The following CTNNA3 variants were observed in gnomAD, a reference collection of about 807,000 sequenced individuals.
CTNNA3 encodes catenin alpha-3.
In CTNNA3, 76 loss-of-function variants were observed where a neutral mutation model predicts 95.7. That is an observed-to-expected ratio of 0.79 (90% CI 0.66 to 0.96). CTNNA3 has a LOEUF of 0.96. Among genes scored for constraint, CTNNA3 ranks in the 40% least tolerant of loss-of-function variants. CTNNA3 has a pLI of 0.00. For synonymous variants in CTNNA3, 431 were observed against 374.4 expected (o/e 1.15, Z -1.74); for missense variants, 1,191 against 1,089.8 (o/e 1.09, Z -1.31).
chr10:66,436,501 C>CTTTTTTTTTTTTTT lies in CTNNA3; in HGVS notation c.1532-57163_1532-57150dup, dbSNP rs34165061. Among the ~76,000 whole-genome samples the CTTTTTTTTTTTTTT allele has an allele frequency of 7.5e-3, 453 of 60,412 alleles. 2 individuals are homozygous for CTTTTTTTTTTTTTT. The highest frequency in any genetic ancestry group is 0.011 in the African/African-American group (171 of 16,180). The allele number at this position is 60,412 out of a possible 152,430, so 39.6% of individuals were successfully genotyped here. ...TCAGAGACTAGGACTACAATCCCTG[C>CTTTTTTTTTTTTTT]TTTTTTTTTTTTTTTTTTTTTTTTT... On this transcript the variant is annotated intron_variant, in intron 11 of 17. Transcript: ENST00000433211.
chr10:66,918,906 C>T (rs569837145), intron 7 of CTNNA3, among the ~76,000 whole-genome samples: 278 of 151,936 alleles, frequency 1.8e-3, no homozygotes, highest in Admixed American at 2.0e-3. Context: ...GAGGCTGAGG[C>T]GGGCAGATCA....
At chr10:66,528,346 T>C (rs1193204597) in intron 10 of CTNNA3, among the ~76,000 whole-genome samples, 1 of 152,162 alleles carries the variant, frequency 6.6e-6, no homozygotes, top group African/African-American at 2.4e-5. Flanking sequence ...TTAAATCAGA[T>C]AGACAACTTT....
intron 3 of CTNNA3, among the ~76,000 whole-genome samples, chr10:67,587,387 T>A (rs2133338137): frequency 6.6e-6 from 1 of 152,220 alleles, no homozygotes; most frequent in East Asian, 1.9e-4. Flanking sequence ...TGGGAATTTC[T>A]TGTAGGTCTG....
At chr10:67,034,266 T>C (rs1229855806) in intron 7 of CTNNA3, among the ~76,000 whole-genome samples, 1 of 152,150 alleles carries the variant, frequency 6.6e-6, no homozygotes, top group African/African-American at 2.4e-5. Context: ...GTGTAATCAT[T>C]TGCCAAGCAA....
chr10:66,095,058 T>G (rs151203946), intron 14 of CTNNA3, among the ~76,000 whole-genome samples: 1 of 152,122 alleles, frequency 6.6e-6, no homozygotes, highest in Non-Finnish European at 1.5e-5. Flanking sequence ...TACAGATGCC[T>G]GTGATTATTT....
intron 5 of CTNNA3, among the ~76,000 whole-genome samples, chr10:67,345,805 G>A (rs1589193854): frequency 6.6e-6 from 1 of 151,996 alleles, no homozygotes; most frequent in African/African-American, 2.4e-5. Context: ...TTCGATTGGA[G>A]AGTTTAGTCC....
intron 9 of CTNNA3, among the ~76,000 whole-genome samples, chr10:66,646,945 G>A (rs181138940): frequency 6.8e-4 from 103 of 151,904 alleles, no homozygotes; most frequent in Non-Finnish European, 1.3e-3. Context: ...TATAATTAAT[G>A]ACCTCTTATT....
intron 5 of CTNNA3, among the ~76,000 whole-genome samples, chr10:67,386,362 C>T (rs1317836051): frequency 6.6e-6 from 1 of 152,140 alleles, no homozygotes; most frequent in Non-Finnish European, 1.5e-5. Context: ...TTTATACAGA[C>T]ATTACATAAC....
At chr10:67,279,491 G>A (rs1360026864) in intron 5 of CTNNA3, among the ~76,000 whole-genome samples, 1 of 149,132 alleles carries the variant, frequency 6.7e-6, no homozygotes, top group Admixed American at 6.6e-5. Context: ...GGGAAGGAGG[G>A]AGAGTATGGA....
At chr10:67,179,369 A>G (rs576409134) in intron 7 of CTNNA3, among the ~76,000 whole-genome samples, 2 of 151,974 alleles carry the variant, frequency 1.3e-5, no homozygotes, top group African/African-American at 4.8e-5. Context: ...AGTTACAGAC[A>G]TTCCATAGAT....
At chr10:67,092,388 A>G (rs926941511) in intron 7 of CTNNA3, among the ~76,000 whole-genome samples, 6 of 151,980 alleles carry the variant, frequency 3.9e-5, no homozygotes, top group Admixed American at 6.6e-5. Context: ...GAAGGAAAAC[A>G]TGGCCTTTTT....
intron 9 of CTNNA3, among the ~76,000 whole-genome samples, chr10:66,629,410 G>A (rs534902010): frequency 6.6e-6 from 1 of 152,044 alleles, no homozygotes; most frequent in East Asian, 1.9e-4. Flanking sequence ...GTATTAGGTT[G>A]GTGCAAAAGT....
At chr10:66,221,147 C>T (rs188772394) in intron 13 of CTNNA3, among the ~76,000 whole-genome samples, 1 of 152,130 alleles carries the variant, frequency 6.6e-6, no homozygotes, top group Admixed American at 6.5e-5. Flanking sequence ...TTCATTTGGC[C>T]AGTGTCTAAT....
At chr10:66,650,815 C>G (rs1845869038) in intron 9 of CTNNA3, among the ~76,000 whole-genome samples, 1 of 152,160 alleles carries the variant, frequency 6.6e-6, no homozygotes, top group Non-Finnish European at 1.5e-5. Flanking sequence ...AGGAGTGAAG[C>G]TGCAGACCTT....
rs967718844 is a variant in CTNNA3 at position 67,606,977 on chromosome 10, G to A, written c.172C>T (p.Leu58Phe). ...KKGRSKRASV[L>F]LASVEEATWN... Reference sequence around the variant, plus strand: ...GTTGCTTCCTCCACAGAAGCTAGAAGGACACTGGCTCTTTTCGAACGTCCT... The same window carrying A: ...GTTGCTTCCTCCACAGAAGCTAGAAAGACACTGGCTCTTTTCGAACGTCCT... Residue 58 changes from leucine (L) to phenylalanine (F), a missense_variant, in exon 3 of 18, where the codon CTT becomes TTT. Leu to Phe is a conservative substitution (Grantham distance 22). Transcript: ENST00000433211. The A allele has an allele frequency of 1.2e-6, 2 of 1,614,054 alleles. No homozygotes were observed. Among genetic ancestry groups the A allele is most frequent in the Non-Finnish European group, 1.7e-6 (2 of 1,179,904 alleles).
intron 7 of CTNNA3, among the ~76,000 whole-genome samples, chr10:67,151,929 C>G (rs937873823): frequency 1.6e-4 from 24 of 152,232 alleles, no homozygotes; most frequent in Non-Finnish European, 2.5e-4. Context: ...TCTGTTGTTC[C>G]TTTCTTCTCC....
chr10:67,572,779 A>C (rs1842019199), intron 3 of CTNNA3, among the ~76,000 whole-genome samples: 2 of 152,120 alleles, frequency 1.3e-5, no homozygotes, highest in Non-Finnish European at 2.9e-5. Context: ...TAGGTGCCCC[A>C]AGGAGAATTT....
chr10:67,418,837 A>G (rs1199404921), intron 5 of CTNNA3, among the ~76,000 whole-genome samples: 3 of 152,218 alleles, frequency 2.0e-5, no homozygotes, highest in African/African-American at 7.2e-5. Context: ...AGTTGTTAAG[A>G]GAATAAATCG....
At chr10:66,818,905 C>A (rs780549251) in intron 7 of CTNNA3, among the ~76,000 whole-genome samples, 60 of 152,006 alleles carry the variant, frequency 3.9e-4, no homozygotes, top group Non-Finnish European at 6.5e-4. Context: ...GCCTGGCCAA[C>A]ATGGCGAAAC....
Sources: allele counts gnomAD v4.1 joint callset (sites outside exome capture counted in the v4.1 genomes callset), GRCh38; gene constraint gnomAD v4.1.1; transcripts MANE v1.5; gene names NCBI Gene and HGNC (gene_info 2026-07-23, HGNC 2026-07-21).